SLF1: variants seen among roughly 807,000 people sequenced by gnomAD.
SLF1 encodes SMC5-SMC6 complex localization factor protein 1.
Under a neutral mutation model 123.0 loss-of-function variants are expected in SLF1, and 105 were observed. That is an observed-to-expected ratio of 0.85 (90% CI 0.73 to 1.00). The LOEUF is 1.00. SLF1 is among the 50% of genes least tolerant of loss of function. The probability of loss-of-function intolerance (pLI) is 0.00; values close to 1 mark genes in which losing one functional copy is unlikely to be tolerated. For synonymous variants in SLF1, 434 were observed against 406.6 expected, an observed-to-expected ratio of 1.07 and a Z score of -0.81; for missense variants, 1,239 against 1,223.0, an observed-to-expected ratio of 1.01 and a Z score of -0.20.
At chr5:94,627,826 A>C (rs568012451) in intron 1 of SLF1, among the ~76,000 whole-genome samples, 1 of 151,178 alleles carries the variant, frequency 6.6e-6, no homozygotes, top group East Asian at 2.0e-4. Flanking sequence ...CTTAGCGAAC[A>C]ACAGTACTTT....
chr5:94,652,573 C>T (rs1019911562), intron 7 of SLF1, among the ~76,000 whole-genome samples: 1 of 151,940 alleles, frequency 6.6e-6, no homozygotes, highest in Non-Finnish European at 1.5e-5. Flanking sequence ...TGTTGATAAG[C>T]CTTTGGGCTT....
At chr5:94,678,696 C>G in intron 14 of SLF1, 112 bp from the exon 15 acceptor site, 2 of 892,842 alleles carry the variant, frequency 2.2e-6, no homozygotes, top group Non-Finnish European at 1.7e-6. Context: ...CATTACATAC[C>G]CTGTATTTTT....
At position 94,647,652 on chromosome 5, in the gene SLF1, CG is replaced by C. The variant is rs1365679658; in HGVS notation, c.595-1801del. 1.8e-4 allele frequency among the ~76,000 whole-genome samples: 27 copies of C among 152,196 alleles called. 1 individual carries two copies. Among genetic ancestry groups the C allele is most frequent in the Non-Finnish European group, 2.6e-4 (18 of 68,006 alleles). On this transcript the variant is annotated intron_variant, in intron 5 of 20. Coordinates refer to ENST00000265140, the MANE Select transcript of SLF1 (RefSeq NM_032290.4). Reference sequence around the variant, plus strand: ...CAAACACCTAACCCATTGCCTAGTACGTAAGTTGACACTAAGATACTTATAA... The same window carrying C: ...CAAACACCTAACCCATTGCCTAGTACTAAGTTGACACTAAGATACTTATAA...
chr5:94,651,262 A>G (rs1010025313), intron 6 of SLF1, among the ~76,000 whole-genome samples: 8 of 152,240 alleles, frequency 5.3e-5, no homozygotes, highest in African/African-American at 9.6e-5. Context: ...TGTTCGCACA[A>G]TGACGAAATC....
In SLF1 at chr5:94,692,156, A is replaced by G; in HGVS notation, c.2595A>G (p.Pro865=). Residue 865 remains proline (P), a synonymous_variant, in exon 20 of 21, where the codon CCA becomes CCG. Coordinates refer to ENST00000265140, the MANE Select transcript of SLF1 (RefSeq NM_032290.4). The part of the protein sequence containing the change: ...VCVQEILQRC[P]EVDLLTQVDG... Reference sequence around the variant, plus strand: ...TCCAGGAAATTTTGCAACGTTGTCCAGAGGTAGATCTGCTCACTCAAGTGG... The same window carrying G: ...TCCAGGAAATTTTGCAACGTTGTCCGGAGGTAGATCTGCTCACTCAAGTGG... 1.2e-6 allele frequency: 2 copies of G among 1,613,950 alleles called. No homozygotes were observed. The highest frequency in any genetic ancestry group is 2.7e-5 in the African/African-American group (2 of 75,040).
intron 19 of SLF1, 28 bp downstream of exon 19, chr5:94,691,684 C>T: frequency 2.6e-6 from 4 of 1,510,948 alleles, no homozygotes; most frequent in African/African-American, 1.4e-5. Context: ...GTGGTCTAGT[C>T]CAATGTCTTA....
chr5:94,664,148 A>G (rs1050393273), intron 11 of SLF1, among the ~76,000 whole-genome samples: 2 of 152,118 alleles, frequency 1.3e-5, no homozygotes, highest in African/African-American at 4.8e-5. Flanking sequence ...TGTTTTGGGG[A>G]AAAAGGTTAT....
At position 94,686,827 on chromosome 5, in the gene SLF1, G is replaced by A. The variant is rs111404428; in HGVS notation, c.2121+109G>A. The A allele has an allele frequency of 4.7e-4, 602 of 1,282,536 alleles. 1 individual carries two copies. In the African/African-American group the frequency reaches 7.8e-3, roughly 17 times the overall value. 79.4% of individuals were successfully genotyped at this position (1,282,536 alleles called of 1,614,324 possible). On this transcript the variant is annotated intron_variant, in intron 16 of 20. Coordinates refer to ENST00000265140, the MANE Select transcript of SLF1 (RefSeq NM_032290.4). ...TTTTGAGATGGAGGCTTGCTCTGTC[G>A]CCCAGGCTGGAGTGCAGTGGCGCAA...
rs776755591 is a variant in SLF1 at position 94,678,894 on chromosome 5, T to G, written c.1914T>G (p.Gly638=). 5.0e-6 allele frequency: 8 copies of G among 1,613,744 alleles called. No homozygotes were observed. The Admixed American group carries it at 1.3e-4, about 27-fold the overall frequency. ...DYWIFLGLKM[G]RNVMRHMSDD... is the part of the protein sequence containing the mutation. ...GGATTTTCCTTGGTCTTAAGATGGG[T>G]AGAAATGTGATGCGACACATGTCTG... The change falls in exon 15 of 21, where the codon GGT becomes GGG. Residue 638 remains glycine (G), a synonymous_variant. Transcript: ENST00000265140.
At position 94,687,966 on chromosome 5, in the gene SLF1, A is replaced by T. The variant is rs182319203; in HGVS notation, c.2122-540A>T. Among the ~76,000 whole-genome samples, 632 of 147,792 alleles carry T rather than the reference A, an allele frequency of 4.3e-3. 7 individuals carry two copies. The highest frequency in any genetic ancestry group is 0.015 in the African/African-American group (604 of 40,590). ...TCTTTAGATATTAATATTTAATAAT[A>T]ATTATTTATTATTATTAATAAGGCA... On this transcript the variant is annotated intron_variant, in intron 16 of 20. Coordinates refer to ENST00000265140, the MANE Select transcript of SLF1 (RefSeq NM_032290.4).
chr5:94,651,115 C>T (rs1300195235), intron 6 of SLF1, among the ~76,000 whole-genome samples: 4 of 152,116 alleles, frequency 2.6e-5, no homozygotes, highest in Admixed American at 6.5e-5. Flanking sequence ...TAATACTCAG[C>T]ATTGTGTTGC....
chr5:94,648,555 C>G (rs919431012), intron 5 of SLF1, among the ~76,000 whole-genome samples: 5 of 152,192 alleles, frequency 3.3e-5, no homozygotes, highest in African/African-American at 1.2e-4. Context: ...GATCTTGGCT[C>G]ACTGCAGCCT....
intron 9 of SLF1, among the ~76,000 whole-genome samples, chr5:94,658,811 C>CT (rs77293670): frequency 2.0e-5 from 3 of 151,734 alleles, no homozygotes; most frequent in East Asian, 1.9e-4. Flanking sequence ...GTCATTTAGG[C>CT]TTTTTTTTCG....
At chr5:94,641,893 C>A (rs1475597520) in intron 4 of SLF1, among the ~76,000 whole-genome samples, 14 of 152,206 alleles carry the variant, frequency 9.2e-5, no homozygotes, top group Admixed American at 9.2e-4. Context: ...CGGCCTCTCC[C>A]CCAGTATTAG....
rs1205805511 is a variant in SLF1 at position 94,618,716 on chromosome 5, T to G, written c.-50T>G. On this transcript the variant is annotated 5_prime_UTR_variant, in exon 1 of 21. Coordinates refer to ENST00000265140, the MANE Select transcript of SLF1 (RefSeq NM_032290.4). ...CAGTTGAGTGCTGCAGCGGCAGTCGTCGCCCCTGCCGCCGCTGCCACCGAA... is the reference window on the plus strand; with the variant it reads ...CAGTTGAGTGCTGCAGCGGCAGTCGGCGCCCCTGCCGCCGCTGCCACCGAA... The G allele has an allele frequency of 6.5e-6, 1 of 154,716 alleles. No homozygotes were observed. The highest frequency in any genetic ancestry group is 2.4e-5 in the African/African-American group (1 of 41,472). The allele number at this position is 154,716 out of a possible 1,614,324, so 9.6% of individuals were successfully genotyped here.
rs908837583 is a variant in SLF1 at position 94,689,379 on chromosome 5, A to G, written c.2286-94A>G. The G allele has an allele frequency of 1.0e-5, 13 of 1,306,044 alleles. No individual in the cohort carries two copies. The African/African-American group carries it at 1.9e-4, about 20-fold the overall frequency. The allele number at this position is 1,306,044 out of a possible 1,614,324, so 80.9% of individuals were successfully genotyped here. A position where few individuals can be genotyped will look rare whatever the true frequency, so the allele number is the denominator to read the frequency against. On this transcript the variant is annotated intron_variant, in intron 17 of 20. Transcript: ENST00000265140. Reference sequence around the variant, plus strand: ...TGAATGAGTAAGGGAGTTTAAATTAAAAGGGGGCTAGACTTTTAAAAAATA... The same window carrying G: ...TGAATGAGTAAGGGAGTTTAAATTAGAAGGGGGCTAGACTTTTAAAAAATA...
intron 3 of SLF1, among the ~76,000 whole-genome samples, chr5:94,630,052 A>G (rs1199083790): frequency 1.3e-5 from 2 of 152,234 alleles, no homozygotes; most frequent in African/African-American, 2.4e-5. Flanking sequence ...TTTACAGAGT[A>G]ATAATGCCGT....
chr5:94,684,697 CAAAAAAAAAAAAAAAA>C (rs397882900), intron 15 of SLF1, among the ~76,000 whole-genome samples: 2 of 68,846 alleles, frequency 2.9e-5, no homozygotes, highest in Non-Finnish European at 5.4e-5. Context: ...GACTCTGTCT[CAAAAAAAAAAAAAAAA>C]AAAAAAAAAA....
intron 1 of SLF1, among the ~76,000 whole-genome samples, chr5:94,622,117 CAT>C (rs930850149): frequency 4.9e-4 from 75 of 152,358 alleles, no homozygotes; most frequent in African/African-American, 1.8e-3. Context: ...AGTACTGTGA[CAT>C]GTGTCTACCT....
Sources: allele counts gnomAD v4.1 joint callset (sites outside exome capture counted in the v4.1 genomes callset), GRCh38; gene constraint gnomAD v4.1.1; transcripts MANE v1.5; gene names NCBI Gene and HGNC (gene_info 2026-07-23, HGNC 2026-07-21).